The following BICD1 variants were observed in gnomAD, a reference collection of about 807,000 sequenced individuals.
BICD1 encodes protein bicaudal D homolog 1.
A neutral mutation model predicts 92.5 loss-of-function variants in BICD1; 35 were observed. The ratio of observed to expected loss-of-function variants is 0.38; its 90% CI spans 0.29 to 0.50. BICD1 has a LOEUF of 0.50. Among genes scored for constraint, BICD1 ranks in the 20% least tolerant of loss-of-function variants. The pLI, the probability that BICD1 is intolerant of heterozygous loss-of-function variation, is 0.93. For missense variants in BICD1, 950 were observed against 1,189.8 expected (o/e 0.80, Z 2.97); for synonymous variants, 429 against 465.1 (o/e 0.92, Z 1.00).
intron 2 of BICD1, among the ~76,000 whole-genome samples, chr12:32,279,699 CCTT>C (rs1437569958): frequency 2.6e-5 from 4 of 152,206 alleles, no homozygotes; most frequent in Non-Finnish European, 4.4e-5. Flanking sequence ...GACAGGCTCT[CCTT>C]GGCTTCTAAT....
At chr12:32,330,582 T>TAC (rs960863636) in intron 5 of BICD1, among the ~76,000 whole-genome samples, 2 of 150,114 alleles carry the variant, frequency 1.3e-5, no homozygotes, top group Non-Finnish European at 3.0e-5. Flanking sequence ...TTAAAATATA[T>TAC]ATATATAAAA....
At chr12:32,354,893 TCTCTA>T (rs1350115088) in intron 8 of BICD1, among the ~76,000 whole-genome samples, 6 of 152,202 alleles carry the variant, frequency 3.9e-5, no homozygotes, top group South Asian at 4.1e-4. Flanking sequence ...ATTTCTAAAT[TCTCTA>T]CTCTATATGT....
At chr12:32,347,317 G>A (rs1938670190) in intron 8 of BICD1, among the ~76,000 whole-genome samples, 1 of 151,118 alleles carries the variant, frequency 6.6e-6, no homozygotes, top group Non-Finnish European at 1.5e-5. Context: ...GTCTCTGATT[G>A]GTGGCAGTGC....
chr12:32,173,088 G>A (rs1011697477), intron 1 of BICD1, among the ~76,000 whole-genome samples: 1 of 151,322 alleles, frequency 6.6e-6, no homozygotes, highest in Admixed American at 6.6e-5. Context: ...TCACTCTGTC[G>A]CCAGGCTGGA....
chr12:32,341,908 GA>G, intron 8 of BICD1, among the ~76,000 whole-genome samples: 1 of 151,762 alleles, frequency 6.6e-6, no homozygotes, highest in East Asian at 1.9e-4. Context: ...AATAAGCCAA[GA>G]AAGAGAAAAT....
intron 2 of BICD1, among the ~76,000 whole-genome samples, chr12:32,252,188 T>C (rs1946582587): frequency 7.5e-6 from 1 of 133,984 alleles, no homozygotes; most frequent in South Asian, 2.1e-4. Context: ...ATATAATATA[T>C]ACTATATATT....
chr12:32,371,441 T>A (rs1939736561), intron 9 of BICD1, among the ~76,000 whole-genome samples: 1 of 152,162 alleles, frequency 6.6e-6, no homozygotes, highest in African/African-American at 2.4e-5. Context: ...ATAGCCAACA[T>A]TCGAATTCTT....
chr12:32,192,141 G>C (rs1311364735), intron 1 of BICD1, among the ~76,000 whole-genome samples: 1 of 152,100 alleles, frequency 6.6e-6, no homozygotes, highest in Non-Finnish European at 1.5e-5. Flanking sequence ...ACACACAAAA[G>C]ATAAAGCAGG....
chr12:32,285,914 T>C (rs1304607052), intron 2 of BICD1, among the ~76,000 whole-genome samples: 1 of 152,242 alleles, frequency 6.6e-6, no homozygotes, highest in Non-Finnish European at 1.5e-5. Flanking sequence ...TTTAAATTTA[T>C]TGTGAAATTA....
intron 1 of BICD1, among the ~76,000 whole-genome samples, chr12:32,132,380 C>T (rs1020541822): frequency 5.5e-5 from 8 of 145,956 alleles, no homozygotes. Flanking sequence ...TGTGCCACTG[C>T]ACTGCAGCCT....
intron 4 of BICD1, among the ~76,000 whole-genome samples, chr12:32,316,753 G>A (rs1307861690): frequency 3.3e-5 from 5 of 151,230 alleles, no homozygotes; most frequent in Admixed American, 2.6e-4. Context: ...TATGCACAAC[G>A]TGCAGGTTTG....
intron 1 of BICD1, among the ~76,000 whole-genome samples, chr12:32,114,129 C>G (rs957469035): frequency 1.3e-5 from 2 of 152,054 alleles, no homozygotes; most frequent in African/African-American, 4.8e-5. Context: ...CCTTGGCCTC[C>G]GAAAGTGCTG....
intron 1 of BICD1, among the ~76,000 whole-genome samples, chr12:32,165,467 G>T (rs562521995): frequency 7.9e-5 from 12 of 152,258 alleles, no homozygotes; most frequent in African/African-American, 2.9e-4. Context: ...AGTGAGCCGA[G>T]ATCGAGCCAC....
At chr12:32,170,569 A>G (rs764605414) in intron 1 of BICD1, among the ~76,000 whole-genome samples, 12 of 152,348 alleles carry the variant, frequency 7.9e-5, no homozygotes, top group Non-Finnish European at 1.6e-4. Flanking sequence ...TCTAGATTCT[A>G]TGTCCTCAGC....
chr12:32,276,381 C>G (rs566395352), intron 2 of BICD1, among the ~76,000 whole-genome samples: 1 of 152,274 alleles, frequency 6.6e-6, no homozygotes, highest in African/African-American at 2.4e-5. Context: ...ATTTCCTAGG[C>G]CGACTAAGAA....
chr12:32,215,724 C>A (rs1219989052), intron 1 of BICD1, among the ~76,000 whole-genome samples: 1 of 151,638 alleles, frequency 6.6e-6, no homozygotes, highest in Non-Finnish European at 1.5e-5. Flanking sequence ...CTGAGACGGG[C>A]GGATCACAAG....
At chr12:32,370,997 G>A (rs1040720805) in intron 9 of BICD1, among the ~76,000 whole-genome samples, 2 of 150,416 alleles carry the variant, frequency 1.3e-5, no homozygotes, top group African/African-American at 4.9e-5. Flanking sequence ...GTAGGAAATG[G>A]AAAGGCTGGC....
intron 1 of BICD1, among the ~76,000 whole-genome samples, chr12:32,150,665 T>C (rs1465073978): frequency 6.6e-6 from 1 of 152,132 alleles, no homozygotes. Context: ...TGGCACAAGT[T>C]TGGGGAGTAG....
chr12:32,225,621 G>GTTTTTGTTTTTTTTTTTTTTT (rs1411722126), intron 2 of BICD1, among the ~76,000 whole-genome samples: 28 of 92,786 alleles, frequency 3.0e-4, no homozygotes, highest in South Asian at 9.9e-4. Context: ...CTTTTTTTCT[G>GTTTTTGTTTTTTTTTTTTTTT]TTTTTTTTTT....
Sources: allele counts gnomAD v4.1 joint callset (sites outside exome capture counted in the v4.1 genomes callset), GRCh38; gene constraint gnomAD v4.1.1; transcripts MANE v1.5; gene names NCBI Gene and HGNC (gene_info 2026-07-23, HGNC 2026-07-21).